The following OR51E2 variants were observed in gnomAD, a reference collection of about 807,000 sequenced individuals.
OR51E2 encodes the protein olfactory receptor family 51 subfamily E member 2, also known as olfactory receptor 51E2.
Under a neutral mutation model 13.7 loss-of-function variants are expected in OR51E2, and 14 were observed. The ratio of observed to expected loss-of-function variants is 1.02; its 90% CI spans 0.68 to 1.60. OR51E2 has a LOEUF of 1.60. Among genes scored for constraint, OR51E2 ranks in the 40% most tolerant of loss-of-function variants. The pLI, the probability that OR51E2 is intolerant of heterozygous loss-of-function variation, is 0.00. For synonymous variants in OR51E2, 180 were observed against 157.6 expected, an observed-to-expected ratio of 1.14 and a Z score of -1.07; for missense variants, 483 against 413.8, an observed-to-expected ratio of 1.17 and a Z score of -1.45.
chr11:4,687,786 G>A (rs1244364677), intron 1 of OR51E2, among the ~76,000 whole-genome samples: 1 of 152,172 alleles, frequency 6.6e-6, no homozygotes, highest in African/African-American at 2.4e-5. Context: ...ACAAGGTGCT[G>A]TAGGAGCACC....
chr11:4,681,970 G>C lies in OR51E2; in HGVS notation c.742C>G (p.Leu248Val). 1 of 1,614,132 alleles carries C rather than the reference G, an allele frequency of 6.2e-7. No individual in the cohort carries two copies. The highest frequency in any genetic ancestry group is 1.7e-5 in the Admixed American group (1 of 60,032). Reference protein sequence around the residue: ...GTCVSHIGVVLAFYVPLIGLS... With the variant: ...GTCVSHIGVVVAFYVPLIGLS... ...CCAATAAGTGGCACATAGAAGGCGA[G>C]TACCACACCAATGTGTGACACACAG... is the stretch of plus-strand genomic sequence containing the variant. Residue 248 changes from leucine (L) to valine (V), a missense_variant, in exon 2 of 2, where the codon CTC becomes GTC. Transcript: ENST00000396950.
At chr11:4,689,767 G>A (rs1034133119) in intron 1 of OR51E2, among the ~76,000 whole-genome samples, 1 of 152,058 alleles carries the variant, frequency 6.6e-6, no homozygotes, top group African/African-American at 2.4e-5. Context: ...ATGGAGGGTT[G>A]ACAGAAATGC....
chr11:4,682,721 T>G lies in OR51E2; in HGVS notation c.-10A>C. On this transcript the variant is annotated 5_prime_UTR_variant, in exon 2 of 2. Transcript: ENST00000396950. ...AGTTGCAGGAACTCATAGCTGGAACTGAGGAGGGGTGACTGGAGAGGGTGA... is the reference window on the plus strand; with the variant it reads ...AGTTGCAGGAACTCATAGCTGGAACGGAGGAGGGGTGACTGGAGAGGGTGA... 6.2e-7 allele frequency: 1 copy of G among 1,608,726 alleles called. No homozygotes were observed. Among genetic ancestry groups the G allele is most frequent in the Non-Finnish European group, 8.5e-7 (1 of 1,176,840 alleles).
intron 1 of OR51E2, among the ~76,000 whole-genome samples, chr11:4,685,356 A>T (rs1208083115): frequency 6.6e-6 from 1 of 152,118 alleles, no homozygotes; most frequent in Non-Finnish European, 1.5e-5. Flanking sequence ...CACTTCTCCA[A>T]GCTAAACCAA....
intron 1 of OR51E2, 125 bp from the exon 2 acceptor site, chr11:4,682,886 G>A (rs79815978): frequency 0.031 from 19,796 of 630,826 alleles, 483 homozygotes; most frequent in African/African-American, 0.084. Context: ...TTCCAAAGGC[G>A]GGACTGTGAC....
chr11:4,682,227 A>G lies in OR51E2; in HGVS notation c.485T>C (p.Ile162Thr), dbSNP rs771754908. ...GGAGTGGCAGAAGGCCAGCCGCTTG[A>G]TCAGCAGAGGCAGTGGGAAAAAAAA... The part of the protein sequence containing the change: ...SLFFFPLPLL[I>T]KRLAFCHSNV... Residue 162 changes from isoleucine to threonine, a missense_variant, in exon 2 of 2, where the codon ATC becomes ACC. By Grantham distance (89) the Ile-to-Thr change is moderately conservative. Transcript: ENST00000396950. 7 of 1,614,180 alleles carry G rather than the reference A, an allele frequency of 4.3e-6. No individual in the cohort carries two copies. In the Admixed American group the frequency reaches 1.2e-4, roughly 27 times the overall value.
chr11:4,684,292 T>C (rs965720506), intron 1 of OR51E2, among the ~76,000 whole-genome samples: 1 of 152,174 alleles, frequency 6.6e-6, no homozygotes, highest in Admixed American at 6.5e-5. Context: ...TATCAGAACA[T>C]GAAAAGCCCT....
chr11:4,691,281 G>C (rs1847575185), intron 1 of OR51E2: 1 of 457,084 alleles, frequency 2.2e-6, no homozygotes, highest in African/African-American at 2.0e-5. Context: ...AGCTATTCTG[G>C]AGTCAGTTAA....
chr11:4,692,934 G>A lies in OR51E2; in HGVS notation c.-51+4719C>T, dbSNP rs1322889049. On this transcript the variant is annotated intron_variant, in intron 1 of 1. Coordinates refer to ENST00000396950, the MANE Select transcript of OR51E2 (RefSeq NM_030774.4). ...AAAAACAAGAAATTATAGATTACAC[G>A]ATTTGGCCAAATAATGAAACTATAG... 2.6e-5 allele frequency among the ~76,000 whole-genome samples: 4 copies of A among 152,136 alleles called. No individual in the cohort carries two copies. In the East Asian group the frequency reaches 5.8e-4, roughly 22 times the overall value.
At chr11:4,686,819 T>A (rs1045480499) in intron 1 of OR51E2, among the ~76,000 whole-genome samples, 1 of 152,158 alleles carries the variant, frequency 6.6e-6, no homozygotes, top group Non-Finnish European at 1.5e-5. Flanking sequence ...GGTCAGAGCA[T>A]GACATTTGTT....
rs773318234 is a variant in OR51E2, at chr11:4,681,913, G to C, written c.799C>G (p.Leu267Val). The C allele has an allele frequency of 6.2e-7, 1 of 1,614,202 alleles. No homozygotes were observed. Among genetic ancestry groups the C allele is most frequent in the East Asian group, 2.2e-5 (1 of 44,874 alleles). The change falls in exon 2 of 2, where the codon CTT becomes GTT. Residue 267 changes from leucine (L) to valine (V), a missense_variant. Transcript: ENST00000396950. The stretch of plus-strand genomic sequence containing the variant: ...ATGACAACACGCACAATGGGATGAA[G>C]GCTGTTTCCAAAGCGGTGTACCACT... The part of the protein sequence containing the change: ...LSVVHRFGNS[L>V]HPIVRVVMGD...
chr11:4,684,083 A>G (rs919023301), intron 1 of OR51E2, among the ~76,000 whole-genome samples: 1 of 152,238 alleles, frequency 6.6e-6, no homozygotes, highest in African/African-American at 2.4e-5. Flanking sequence ...TTAAAGTACA[A>G]TATGATAAAA....
chr11:4,682,853 C>T, intron 1 of OR51E2, 92 bp from the exon 2 acceptor site: 2 of 826,264 alleles, frequency 2.4e-6, no homozygotes, highest in Non-Finnish European at 3.7e-6. Flanking sequence ...CACTTAGGGT[C>T]TTTCATAAGC....
intron 1 of OR51E2, among the ~76,000 whole-genome samples, chr11:4,693,670 C>A (rs939717344): frequency 1.3e-5 from 2 of 152,138 alleles, no homozygotes; most frequent in African/African-American, 4.8e-5. Context: ...CCAGGTGAAC[C>A]GAGATGGCGC....
intron 1 of OR51E2, chr11:4,685,035 AC>A (rs1432217761): frequency 2.6e-5 from 4 of 152,160 alleles, no homozygotes; most frequent in Non-Finnish European, 4.4e-5. Context: ...AGCCTGCCTG[AC>A]CCCAGGTAAG....
At chr11:4,696,820 G>T (rs1231984358) in intron 1 of OR51E2, among the ~76,000 whole-genome samples, 1 of 152,110 alleles carries the variant, frequency 6.6e-6, no homozygotes, top group Non-Finnish European at 1.5e-5. Context: ...GTCTTAATCT[G>T]CTGAACTAGA....
Position 4,681,309 on chromosome 11 carries a change from G to A in OR51E2, c.*440C>T, listed in dbSNP as rs12576017. 9,287 of 170,458 alleles carry A rather than the reference G, an allele frequency of 0.054. 466 individuals are homozygous for A. Among genetic ancestry groups the A allele is most frequent in the East Asian group, 0.18 (1,129 of 6,218 alleles). The allele number at this position is 170,458 out of a possible 1,614,324, so 10.6% of individuals were successfully genotyped here. A position where few individuals can be genotyped will look rare whatever the true frequency, so the allele number is the denominator to read the frequency against. The stretch of plus-strand genomic sequence containing the variant: ...GGAGGTTGCAGTGAGCCGAGATCGC[G>A]CCACTGCACTCCAGCCTGGTGACAG... On this transcript the variant is annotated 3_prime_UTR_variant, in exon 2 of 2. Coordinates refer to ENST00000396950, the MANE Select transcript of OR51E2 (RefSeq NM_030774.4).
chr11:4,693,469 C>T (rs2133252524), intron 1 of OR51E2, among the ~76,000 whole-genome samples: 1 of 152,258 alleles, frequency 6.6e-6, no homozygotes, highest in African/African-American at 2.4e-5. Context: ...CGCCTGTAGT[C>T]CCAGCACTTT....
intron 1 of OR51E2, among the ~76,000 whole-genome samples, chr11:4,694,853 G>T (rs1270835936): frequency 6.6e-6 from 1 of 152,048 alleles, no homozygotes; most frequent in East Asian, 1.9e-4. Context: ...GTGTCAAGAA[G>T]AACTAGTTCC....
Sources: allele counts gnomAD v4.1 joint callset (sites outside exome capture counted in the v4.1 genomes callset), GRCh38; gene constraint gnomAD v4.1.1; transcripts MANE v1.5; gene names NCBI Gene and HGNC (gene_info 2026-07-23, HGNC 2026-07-21).